The following CACNA1E variants were observed in gnomAD, a reference collection of about 807,000 sequenced individuals.
CACNA1E encodes the protein calcium voltage-gated channel subunit alpha1 E.
In CACNA1E, 40 loss-of-function variants were observed where a neutral mutation model predicts 259.2. The ratio of observed to expected loss-of-function variants is 0.15; its 90% CI spans 0.12 to 0.20. The LOEUF (loss-of-function observed/expected upper bound fraction) is 0.20. Among genes scored for constraint, CACNA1E ranks in the 10% least tolerant of loss-of-function variants. The pLI, the probability that CACNA1E is intolerant of heterozygous loss-of-function variation, is 1.00. For missense variants in CACNA1E, 1,874 were observed against 3,040.1 expected (o/e 0.62, Z 9.02); for synonymous variants, 1,104 against 1,138.5 (o/e 0.97, Z 0.61).
intron 2 of CACNA1E, among the ~76,000 whole-genome samples, chr1:181,440,259 G>A (rs1660372526): frequency 6.6e-6 from 1 of 152,214 alleles, no homozygotes; most frequent in Non-Finnish European, 1.5e-5. Flanking sequence ...GCGAAGAATG[G>A]AAACTTTCCC....
chr1:181,757,907 G>A (rs1658227501), intron 30 of CACNA1E, 40 bp from the exon 31 acceptor site: 1 of 1,605,462 alleles, frequency 6.2e-7, no homozygotes, highest in East Asian at 2.2e-5. Context: ...GTAGATCTAG[G>A]GGATTTGAAT....
In CACNA1E at chr1:181,436,496, T is replaced by G. The variant is rs377329636; in HGVS notation, c.434+22916T>G. Among the ~76,000 whole-genome samples, 8 of 152,308 alleles carry G rather than the reference T, an allele frequency of 5.3e-5. No homozygotes were observed. The East Asian group carries it at 1.5e-3, about 29-fold the overall frequency. The stretch of plus-strand genomic sequence containing the variant: ...TCAATGGGTTAATGGATTAAGAAAA[T>G]ATGGTGTGTATACACAATGAAATAC... On this transcript the variant is annotated intron_variant, in intron 2 of 11. Coordinates refer to the CACNA1E transcript ENST00000524607.
chr1:181,732,976 G>A lies in CACNA1E; in HGVS notation c.2890G>A (p.Gly964Ser), dbSNP rs772399475. 1 of 1,613,704 alleles carries A rather than the reference G, an allele frequency of 6.2e-7. No individual in the cohort carries two copies. The highest frequency in any genetic ancestry group is 8.5e-7 in the Non-Finnish European group (1 of 1,179,792). ...TEGEKDHELR[G>S]NHGAKEPTIQ... The stretch of plus-strand genomic sequence containing the variant: ...AGGGGAGAAGGACCATGAGCTCAGG[G>A]GCAACCATGGTGCCAAGGAGCCAAC... Residue 964 changes from glycine to serine, a missense_variant, in exon 20 of 48, where the codon GGC becomes AGC. Transcript: ENST00000367573. The surrounding 1 kb of genome is among the most constrained non-coding windows in gnomAD (Gnocchi z 5.5).
At chr1:181,639,349 A>C (rs1657538517) in intron 6 of CACNA1E, among the ~76,000 whole-genome samples, 1 of 152,180 alleles carries the variant, frequency 6.6e-6, no homozygotes, top group South Asian at 2.1e-4. Flanking sequence ...TGGCCTACCA[A>C]AGTGCTGGGA....
intron 1 of CACNA1E, among the ~76,000 whole-genome samples, chr1:181,406,929 T>G (rs1657505501): frequency 6.6e-6 from 1 of 152,214 alleles, no homozygotes; most frequent in African/African-American, 2.4e-5. Flanking sequence ...TTATCCTCAT[T>G]GTTTATGTGA....
intron 3 of CACNA1E, among the ~76,000 whole-genome samples, chr1:181,545,165 C>T (rs1332252712): frequency 2.6e-5 from 4 of 152,160 alleles, no homozygotes; most frequent in Middle Eastern, 6.8e-3. Context: ...CTAACCAACC[C>T]CAGGACAGTA....
rs201622587 is a variant in CACNA1E at position 181,796,784 on chromosome 1, G to C, written c.6325G>C (p.Ala2109Pro). 1.5e-4 allele frequency: 234 copies of C among 1,612,292 alleles called. 1 individual carries two copies. Among genetic ancestry groups the C allele is most frequent in the South Asian group, 5.4e-4 (49 of 90,576 alleles). ...CAATTCAGAAGAGCGAGGGACCCAG[G>C]CTGACTGGGAGTCCCCAGAGCGCCG... ...RCNSEERGTQ[A>P]DWESPERRQS... The change falls in exon 47 of 48, where the codon GCT becomes CCT. Residue 2109 changes from alanine to proline, a missense_variant. Transcript: ENST00000367573.
At chr1:181,513,751 G>A (rs1019272889) in intron 3 of CACNA1E, among the ~76,000 whole-genome samples, 9 of 152,288 alleles carry the variant, frequency 5.9e-5, no homozygotes, top group South Asian at 2.1e-4. Flanking sequence ...TTTTGTCAGC[G>A]AAGCCAAGAA....
At chr1:181,495,812 T>C (rs1479339404) in intron 1 of CACNA1E, among the ~76,000 whole-genome samples, 1 of 152,254 alleles carries the variant, frequency 6.6e-6, no homozygotes, top group Non-Finnish European at 1.5e-5. Flanking sequence ...GGTATTAGTA[T>C]TAGTGTTAAT....
chr1:181,779,545 C>A, intron 38 of CACNA1E: 1 of 446,026 alleles, frequency 2.2e-6, no homozygotes. Flanking sequence ...GCAAGGTTTG[C>A]CTCCCAGTCC....
chr1:181,533,779 C>T (rs778857402), intron 3 of CACNA1E, among the ~76,000 whole-genome samples: 13 of 151,896 alleles, frequency 8.6e-5, no homozygotes, highest in African/African-American at 1.4e-4. Context: ...TTATGACTTG[C>T]GCATCTTTGT....
intron 6 of CACNA1E, among the ~76,000 whole-genome samples, chr1:181,591,379 T>C (rs1652631355): frequency 6.6e-6 from 1 of 152,190 alleles, no homozygotes; most frequent in South Asian, 2.1e-4. Context: ...CACTATTACC[T>C]TTCTGTATGA....
chr1:181,777,057 A>T (rs1660035203), intron 38 of CACNA1E, among the ~76,000 whole-genome samples: 1 of 152,250 alleles, frequency 6.6e-6, no homozygotes, highest in African/African-American at 2.4e-5. Context: ...AGGTTGGAGC[A>T]AAAGTAATTG....
chr1:181,675,890 G>C (rs1649321326), intron 7 of CACNA1E, among the ~76,000 whole-genome samples: 2 of 152,204 alleles, frequency 1.3e-5, no homozygotes, highest in Non-Finnish European at 1.5e-5. Flanking sequence ...TGTGTGTGAA[G>C]TGCATTGTGC....
At chr1:181,737,420 G>C (rs185163670) in intron 22 of CACNA1E, 105 bp from the exon 23 acceptor site, 3 of 1,354,950 alleles carry the variant, frequency 2.2e-6, no homozygotes, top group Middle Eastern at 2.4e-4. Flanking sequence ...CCTTTGGCAA[G>C]GGCCTGGCTG....
At chr1:181,684,098 CA>C (rs1230741532) in intron 7 of CACNA1E, among the ~76,000 whole-genome samples, 1 of 152,182 alleles carries the variant, frequency 6.6e-6, no homozygotes, top group Non-Finnish European at 1.5e-5. Context: ...ACATTCTCAT[CA>C]ACAGTGTATA....
chr1:181,733,359 C>T, intron 20 of CACNA1E, 78 bp from the exon 21 acceptor site: 1 of 1,297,120 alleles, frequency 7.7e-7, no homozygotes, highest in Non-Finnish European at 1.1e-6. Flanking sequence ...AGCTTCCCCG[C>T]CTTCCCCTTG....
At chr1:181,498,251 C>T (rs557743719) in intron 1 of CACNA1E, among the ~76,000 whole-genome samples, 1 of 152,250 alleles carries the variant, frequency 6.6e-6, no homozygotes, top group African/African-American at 2.4e-5. Context: ...CAGAAAGACT[C>T]TTATATCCTG....
At chr1:181,325,227 G>A (rs1256477155) in intron 1 of CACNA1E, among the ~76,000 whole-genome samples, 3 of 152,200 alleles carry the variant, frequency 2.0e-5, no homozygotes, top group African/African-American at 7.2e-5. Context: ...TAGCCTTTGA[G>A]ACATCTTGTG....
Sources: allele counts gnomAD v4.1 joint callset (sites outside exome capture counted in the v4.1 genomes callset), GRCh38; gene constraint gnomAD v4.1.1; non-coding constraint Gnocchi (gnomAD v3.1); transcripts MANE v1.5; gene names NCBI Gene and HGNC (gene_info 2026-07-23, HGNC 2026-07-21).